The following LIMCH1 variants were observed in gnomAD, a reference collection of about 807,000 sequenced individuals.
LIMCH1 encodes the protein LIM and calponin homology domains 1, also known as LIM and calponin homology domains-containing protein 1.
LIMCH1 carries 113 observed loss-of-function variants against 176.5 expected under a neutral mutation model. That is an observed-to-expected ratio of 0.64 (90% CI 0.55 to 0.75). LIMCH1 has a LOEUF of 0.75. Ranked by LOEUF, LIMCH1 falls within the 30% of genes least tolerant of loss-of-function variation. The pLI, the probability that LIMCH1 is intolerant of heterozygous loss-of-function variation, is 0.00. For missense variants in LIMCH1, 1,674 were observed against 1,814.9 expected, an observed-to-expected ratio of 0.92 and a Z score of 1.41; for synonymous variants, 619 against 645.9, an observed-to-expected ratio of 0.96 and a Z score of 0.63.
intron 1 of LIMCH1, among the ~76,000 whole-genome samples, chr4:41,379,344 G>A (rs749509583): frequency 1.7e-4 from 26 of 152,168 alleles, no homozygotes; most frequent in Non-Finnish European, 3.4e-4. Context: ...GGGGCTGCTT[G>A]TGTGTCCTTA....
chr4:41,594,986 C>T (rs1282831787), intron 1 of LIMCH1, among the ~76,000 whole-genome samples: 2 of 152,136 alleles, frequency 1.3e-5, no homozygotes, highest in Non-Finnish European at 2.9e-5. Context: ...AGCTTAAAGG[C>T]CAGTCAGAGG....
chr4:41,428,036 G>T (rs1302141434), intron 1 of LIMCH1, among the ~76,000 whole-genome samples: 1 of 152,058 alleles, frequency 6.6e-6, no homozygotes, highest in East Asian at 1.9e-4. Context: ...GTGTGCTGGA[G>T]AATAATAAGC....
At chr4:41,655,654 C>G (rs77185559) in intron 18 of LIMCH1, among the ~76,000 whole-genome samples, 11,680 of 152,042 alleles carry the variant, frequency 0.077, 547 homozygotes, top group South Asian at 0.14. Flanking sequence ...CAGACACTTA[C>G]ATGATTCTTC....
intron 1 of LIMCH1, among the ~76,000 whole-genome samples, chr4:41,422,109 AACAAC>A (rs2060652882): frequency 1.3e-5 from 2 of 152,040 alleles, no homozygotes; most frequent in African/African-American, 4.8e-5. Context: ...CAAATAAACA[AACAAC>A]AGAGAGTGAG....
chr4:41,632,899 G>A, intron 11 of LIMCH1, 32 bp downstream of exon 11: 2 of 1,529,582 alleles, frequency 1.3e-6, no homozygotes, highest in African/African-American at 2.7e-5. Context: ...CTTCCCGGGA[G>A]GTGAAGGAGG....
intron 1 of LIMCH1, among the ~76,000 whole-genome samples, chr4:41,394,898 C>T (rs1227878100): frequency 1.3e-5 from 2 of 152,170 alleles, no homozygotes; most frequent in African/African-American, 2.4e-5. Context: ...AGCATGAGTT[C>T]CCATTAAAAT....
At chr4:41,396,499 T>G (rs2057811436) in intron 1 of LIMCH1, among the ~76,000 whole-genome samples, 1 of 152,176 alleles carries the variant, frequency 6.6e-6, no homozygotes, top group Non-Finnish European at 1.5e-5. Flanking sequence ...GATAGATTGT[T>G]TCGTGATTGT....
At chr4:41,400,547 G>A (rs1292177983) in intron 1 of LIMCH1, among the ~76,000 whole-genome samples, 1 of 152,164 alleles carries the variant, frequency 6.6e-6, no homozygotes, top group African/African-American at 2.4e-5. Context: ...CTCTTATTAT[G>A]TGTAGGGTAA....
intron 1 of LIMCH1, among the ~76,000 whole-genome samples, chr4:41,450,010 C>T (rs2063694981): frequency 6.6e-6 from 1 of 152,142 alleles, no homozygotes; most frequent in Non-Finnish European, 1.5e-5. Flanking sequence ...TAGAGGCCCA[C>T]CTTATTCCAG....
intron 1 of LIMCH1, among the ~76,000 whole-genome samples, chr4:41,376,776 C>A (rs902729643): frequency 6.6e-6 from 1 of 152,092 alleles, no homozygotes; most frequent in Non-Finnish European, 1.5e-5. Context: ...AAATTTCTTA[C>A]GTTTTCGTTC....
intron 18 of LIMCH1, among the ~76,000 whole-genome samples, chr4:41,658,759 A>G (rs2094531411): frequency 6.6e-6 from 1 of 152,172 alleles, no homozygotes; most frequent in Non-Finnish European, 1.5e-5. Flanking sequence ...TTAATAAAAT[A>G]TGTTCATTTC....
chr4:41,502,057 A>G (rs1423674536), intron 2 of LIMCH1, among the ~76,000 whole-genome samples: 16 of 108,160 alleles, frequency 1.5e-4, no homozygotes, highest in East Asian at 3.0e-4. Context: ...CCCTCCCCCA[A>G]TGACTTCCCC....
intron 1 of LIMCH1, among the ~76,000 whole-genome samples, chr4:41,568,076 C>T (rs1190715012): frequency 6.6e-6 from 1 of 152,144 alleles, no homozygotes; most frequent in Non-Finnish European, 1.5e-5. Context: ...TCTCTTGAAC[C>T]CAGGAGACAG....
chr4:41,620,324 C>T, intron 6 of LIMCH1, 100 bp from the exon 7 acceptor site: 5 of 1,210,060 alleles, frequency 4.1e-6, no homozygotes, highest in African/African-American at 1.5e-5. Context: ...ACTTTCTTTT[C>T]TAAAGTGAAA....
rs145293090 is a variant in LIMCH1, at chr4:41,541,352, C to T, written c.-241+3002C>T. Reference sequence around the variant, plus strand: ...CTCTCTTTTCAGCTCTGGGTACTGCCGCAGCAGGTGAGCTTGTGTTTGGTC... The same window carrying T: ...CTCTCTTTTCAGCTCTGGGTACTGCTGCAGCAGGTGAGCTTGTGTTTGGTC... On this transcript the variant is annotated intron_variant, in intron 1 of 31. Coordinates refer to ENST00000503057, the MANE Select transcript of LIMCH1 (RefSeq NM_001330672.2). 7.0e-4 allele frequency among the ~76,000 whole-genome samples: 107 copies of T among 152,246 alleles called. No individual in the cohort carries two copies. The East Asian group carries it at 0.017, about 24-fold the overall frequency.
chr4:41,511,332 C>T (rs1044138606), intron 2 of LIMCH1, among the ~76,000 whole-genome samples: 11 of 152,186 alleles, frequency 7.2e-5, no homozygotes, highest in African/African-American at 1.9e-4. Flanking sequence ...CCCAAACAAA[C>T]GCAATGGGCA....
intron 7 of LIMCH1, among the ~76,000 whole-genome samples, chr4:41,623,672 A>C (rs2092743957): frequency 6.6e-6 from 1 of 152,172 alleles, no homozygotes; most frequent in Admixed American, 6.5e-5. Context: ...GAGGCAAGAG[A>C]ATTGCTTGAA....
At chr4:41,560,761 G>A (rs969225937) in intron 1 of LIMCH1, among the ~76,000 whole-genome samples, 3 of 151,862 alleles carry the variant, frequency 2.0e-5, no homozygotes, top group Non-Finnish European at 4.4e-5. Flanking sequence ...GCATGTTCCT[G>A]TAGTCCCAGC....
At chr4:41,589,978 A>G (rs1354279531) in intron 1 of LIMCH1, among the ~76,000 whole-genome samples, 2 of 152,136 alleles carry the variant, frequency 1.3e-5, no homozygotes, top group Non-Finnish European at 2.9e-5. Context: ...CTGAAATCCC[A>G]TCTTTCCCCT....
Sources: gnomAD v4.1 joint callset for allele counts (sites outside exome capture counted in the v4.1 genomes callset) on GRCh38, gnomAD v4.1.1 for gene constraint, MANE v1.5 for transcripts, NCBI Gene and HGNC (gene_info 2026-07-23, HGNC 2026-07-21) for gene names.